The following UNC5D variants were observed in gnomAD, a reference collection of about 807,000 sequenced individuals.
The protein encoded by UNC5D is netrin receptor UNC5D.
In UNC5D, 39 loss-of-function variants were observed where a neutral mutation model predicts 105.4. The observed-to-expected ratio is 0.37, with a 90% CI of 0.29 to 0.48. The LOEUF (loss-of-function observed/expected upper bound fraction) is 0.48. UNC5D is among the 20% of genes least tolerant of loss of function. The pLI is 0.98. For synonymous variants in UNC5D, 452 were observed against 450.4 expected (o/e 1.00, Z -0.04); for missense variants, 991 against 1,202.4 (o/e 0.82, Z 2.60).
intron 1 of UNC5D, among the ~76,000 whole-genome samples, chr8:35,474,183 T>G (rs1809927167): frequency 1.3e-5 from 2 of 152,278 alleles, no homozygotes; most frequent in Non-Finnish European, 2.9e-5. Context: ...CCATGCAATG[T>G]GTTCATTAGA....
chr8:35,794,240 G>C lies in UNC5D; in HGVS notation c.*3677G>C, dbSNP rs1803169684. On this transcript the variant is annotated 3_prime_UTR_variant, in exon 17 of 17. Transcript: ENST00000404895. ...CTCTGTAAATGTGTTGAGTGATATA[G>C]CTATCAGATGTATTGAAGGCAAAGT... 1 of 152,088 alleles carries C rather than the reference G, an allele frequency of 6.6e-6. No homozygotes were observed. Among genetic ancestry groups the C allele is most frequent in the Admixed American group, 6.6e-5 (1 of 15,258 alleles). The allele number at this position is 152,088 out of a possible 1,614,324, so 9.4% of individuals were successfully genotyped here.
chr8:35,448,485 T>C (rs1254014993), intron 1 of UNC5D, among the ~76,000 whole-genome samples: 5 of 152,000 alleles, frequency 3.3e-5, no homozygotes, highest in Admixed American at 2.6e-4. Context: ...ATTCTTTAGG[T>C]AAGTGCTATT....
chr8:35,318,619 A>G (rs750330637), intron 1 of UNC5D, among the ~76,000 whole-genome samples: 1 of 152,168 alleles, frequency 6.6e-6, no homozygotes, highest in Admixed American at 6.6e-5. Context: ...TGAGTACCAC[A>G]TAATAGGTCT....
At chr8:35,275,631 C>T (rs1162315690) in intron 1 of UNC5D, among the ~76,000 whole-genome samples, 1 of 152,100 alleles carries the variant, frequency 6.6e-6, no homozygotes, top group Non-Finnish European at 1.5e-5. Context: ...CATGGCTTGC[C>T]ATCTGGCATA....
At chr8:35,577,746 A>G (rs1418732775) in intron 3 of UNC5D, among the ~76,000 whole-genome samples, 1 of 152,192 alleles carries the variant, frequency 6.6e-6, no homozygotes, top group Non-Finnish European at 1.5e-5. Flanking sequence ...TCACTTCACA[A>G]GATACTTATT....
chr8:35,483,793 A>G (rs1031428842), intron 1 of UNC5D, among the ~76,000 whole-genome samples: 6 of 152,314 alleles, frequency 3.9e-5, no homozygotes, highest in Admixed American at 1.3e-4. Context: ...TACAAGAGCA[A>G]TGGTTGAATC....
intron 1 of UNC5D, among the ~76,000 whole-genome samples, chr8:35,427,779 C>G (rs1806349786): frequency 6.6e-6 from 1 of 152,030 alleles, no homozygotes; most frequent in Non-Finnish European, 1.5e-5. Flanking sequence ...ACTCAAAATC[C>G]TCAATGTGAA....
At chr8:35,499,271 T>C (rs997312024) in intron 1 of UNC5D, among the ~76,000 whole-genome samples, 12 of 152,250 alleles carry the variant, frequency 7.9e-5, no homozygotes, top group African/African-American at 1.9e-4. Context: ...ACCTAAGAGC[T>C]GGTAGGCACC....
At chr8:35,731,399 CAAAA>C (rs57529561) in intron 11 of UNC5D, among the ~76,000 whole-genome samples, 12 of 30,652 alleles carry the variant, frequency 3.9e-4, no homozygotes, top group African/African-American at 7.0e-4. Flanking sequence ...ACTCTGTCTC[CAAAA>C]AAAAAAAAAA....
chr8:35,718,141 C>A (rs1828359333), intron 8 of UNC5D, among the ~76,000 whole-genome samples: 1 of 150,676 alleles, frequency 6.6e-6, no homozygotes, highest in African/African-American at 2.4e-5. Flanking sequence ...GTAATTTTTT[C>A]TACCACCTGG....
At chr8:35,285,386 T>C (rs1343518903) in intron 1 of UNC5D, among the ~76,000 whole-genome samples, 1 of 152,208 alleles carries the variant, frequency 6.6e-6, no homozygotes, top group East Asian at 1.9e-4. Context: ...GTCCCGAATG[T>C]TTGGCTCTAG....
chr8:35,361,201 G>C (rs1801833355), intron 1 of UNC5D, among the ~76,000 whole-genome samples: 1 of 151,956 alleles, frequency 6.6e-6, no homozygotes. Flanking sequence ...GGAGTTAGAG[G>C]ACCTGGGTTC....
chr8:35,617,668 T>C (rs1347674904), intron 4 of UNC5D, among the ~76,000 whole-genome samples: 1 of 152,158 alleles, frequency 6.6e-6, no homozygotes, highest in African/African-American at 2.4e-5. Flanking sequence ...CGGCACAGAT[T>C]ACAGGCACAC....
At chr8:35,253,699 T>G (rs143728063) in intron 1 of UNC5D, among the ~76,000 whole-genome samples, 1 of 151,902 alleles carries the variant, frequency 6.6e-6, no homozygotes, top group African/African-American at 2.4e-5. Flanking sequence ...CCATGTTAGC[T>G]AGGATGATTT....
intron 4 of UNC5D, among the ~76,000 whole-genome samples, chr8:35,627,570 T>C (rs1821762689): frequency 6.6e-6 from 1 of 152,164 alleles, no homozygotes; most frequent in African/African-American, 2.4e-5. Flanking sequence ...CCCTAGACTT[T>C]TAAATATTCA....
chr8:35,277,556 C>A (rs1022754083), intron 1 of UNC5D, among the ~76,000 whole-genome samples: 1 of 152,064 alleles, frequency 6.6e-6, no homozygotes, highest in South Asian at 2.1e-4. Flanking sequence ...TCTTGGGTGA[C>A]TTTTCTCAAG....
chr8:35,389,837 G>A (rs958352392), intron 1 of UNC5D, among the ~76,000 whole-genome samples: 13 of 151,584 alleles, frequency 8.6e-5, no homozygotes, highest in Non-Finnish European at 1.3e-4. Context: ...TCCAGATAGA[G>A]TTAATCTACA....
intron 1 of UNC5D, among the ~76,000 whole-genome samples, chr8:35,248,921 T>A (rs867300526): frequency 5.3e-4 from 50 of 94,776 alleles, no homozygotes; most frequent in African/African-American, 2.2e-3. Context: ...TATAAACATA[T>A]ATAATATAAA....
intron 8 of UNC5D, chr8:35,721,590 C>T: frequency 5.8e-6 from 4 of 690,938 alleles, no homozygotes; most frequent in Admixed American, 4.1e-5. Flanking sequence ...CACCTGGGAC[C>T]AAGACCTTCA....
Sources: allele counts gnomAD v4.1 joint callset (sites outside exome capture counted in the v4.1 genomes callset), GRCh38; gene constraint gnomAD v4.1.1; transcripts MANE v1.5; gene names NCBI Gene and HGNC (gene_info 2026-07-23, HGNC 2026-07-21).